FAM135A: variants seen among roughly 807,000 people sequenced by gnomAD.
FAM135A encodes family with sequence similarity 135 member A.
In FAM135A, 79 loss-of-function variants were observed where a neutral mutation model predicts 146.8. The ratio of observed to expected loss-of-function variants is 0.54; its 90% CI spans 0.45 to 0.65. The LOEUF is 0.65. Among genes scored for constraint, FAM135A ranks in the 30% least tolerant of loss-of-function variants. The pLI, the probability that FAM135A is intolerant of heterozygous loss-of-function variation, is 0.00. For missense variants in FAM135A, 1,623 were observed against 1,758.2 expected, an observed-to-expected ratio of 0.92 and a Z score of 1.38; for synonymous variants, 562 against 603.6, an observed-to-expected ratio of 0.93 and a Z score of 1.01.
chr6:70,456,102 G>A (rs1235140427), intron 5 of FAM135A, among the ~76,000 whole-genome samples: 5 of 152,158 alleles, frequency 3.3e-5, no homozygotes, highest in Admixed American at 1.3e-4. Flanking sequence ...CACCCGCCTC[G>A]GCTGCGCCCA....
At chr6:70,489,833 A>G (rs1582498984) in intron 10 of FAM135A, among the ~76,000 whole-genome samples, 1 of 152,112 alleles carries the variant, frequency 6.6e-6, no homozygotes, top group Non-Finnish European at 1.5e-5. Flanking sequence ...ATAATGAGCA[A>G]AAGACCACTC....
At chr6:70,540,720 A>G (rs1178710688) in intron 20 of FAM135A, among the ~76,000 whole-genome samples, 1 of 152,008 alleles carries the variant, frequency 6.6e-6, no homozygotes, top group Admixed American at 6.6e-5. Flanking sequence ...TTTGTCTTTC[A>G]TGTATTACTC....
intron 10 of FAM135A, among the ~76,000 whole-genome samples, chr6:70,485,222 A>G (rs986719623): frequency 2.0e-5 from 3 of 152,158 alleles, no homozygotes; most frequent in South Asian, 4.1e-4. Flanking sequence ...GAAAAAGTAT[A>G]GGCATCAACA....
At chr6:70,414,017 T>G in intron 1 of FAM135A, 1 of 985,756 alleles carries the variant, frequency 1.0e-6, no homozygotes, top group Middle Eastern at 5.2e-4. Context: ...CTAGCGTGTT[T>G]GCCCTTCACC....
chr6:70,481,055 T>C, intron 9 of FAM135A, 28 bp downstream of exon 9: 1 of 1,519,178 alleles, frequency 6.6e-7, no homozygotes, highest in Non-Finnish European at 8.8e-7. Flanking sequence ...TTATAAATCT[T>C]CTCCTTATTT....
intron 4 of FAM135A, among the ~76,000 whole-genome samples, chr6:70,433,946 T>G (rs1772362632): frequency 6.6e-6 from 1 of 152,202 alleles, no homozygotes; most frequent in Non-Finnish European, 1.5e-5. Context: ...AAACTAGTTT[T>G]ATTTTAATTT....
intron 1 of FAM135A, chr6:70,414,012 G>A: frequency 2.0e-6 from 2 of 985,690 alleles, no homozygotes; most frequent in Non-Finnish European, 2.4e-6. Context: ...CGCGCCTAGC[G>A]TGTTTGCCCT....
intron 2 of FAM135A, among the ~76,000 whole-genome samples, chr6:70,425,937 A>T (rs1409486945): frequency 6.6e-6 from 1 of 151,870 alleles, no homozygotes; most frequent in African/African-American, 2.4e-5. Context: ...CCCTGTTTCT[A>T]CTAAAAATAC....
chr6:70,413,925 C>T, intron 1 of FAM135A: 7 of 985,398 alleles, frequency 7.1e-6, no homozygotes, highest in Non-Finnish European at 8.4e-6. Flanking sequence ...GGCGAGGGGC[C>T]GCGGCGCGCT....
At chr6:70,430,644 T>C (rs895941045) in intron 4 of FAM135A, among the ~76,000 whole-genome samples, 1 of 152,224 alleles carries the variant, frequency 6.6e-6, no homozygotes, top group Non-Finnish European at 1.5e-5. Flanking sequence ...GCCCATCAAC[T>C]TTCTAAAAAT....
intron 10 of FAM135A, 78 bp downstream of exon 10, chr6:70,482,232 C>T (rs112465126): frequency 1.4e-6 from 2 of 1,441,352 alleles, no homozygotes; most frequent in South Asian, 1.4e-5. Context: ...ATCAGCTTTG[C>T]CATAGTTTTT....
At chr6:70,557,133 A>G in intron 21 of FAM135A, 1 of 532,052 alleles carries the variant, frequency 1.9e-6, no homozygotes, top group Non-Finnish European at 3.3e-6. Context: ...CTCTGAATTA[A>G]TGGGATTGAC....
At chr6:70,508,745 AC>A (rs1280249991) in intron 12 of FAM135A, among the ~76,000 whole-genome samples, 1 of 152,194 alleles carries the variant, frequency 6.6e-6, no homozygotes, top group African/African-American at 2.4e-5. Context: ...GAAGCCAAAT[AC>A]ATAGGGTTGC....
intron 4 of FAM135A, among the ~76,000 whole-genome samples, chr6:70,436,109 C>T (rs1773071685): frequency 6.6e-6 from 1 of 151,078 alleles, no homozygotes; most frequent in African/African-American, 2.4e-5. Context: ...ACTTGAACCC[C>T]AGAGGCGGAG....
intron 15 of FAM135A, 82 bp from the exon 16 acceptor site, chr6:70,528,210 T>A: frequency 2.2e-6 from 3 of 1,362,854 alleles, no homozygotes; most frequent in Non-Finnish European, 2.9e-6. Context: ...GGGTTTCCAC[T>A]TCTACAATTC....
chr6:70,520,418 A>G (rs1488863395), intron 12 of FAM135A, among the ~76,000 whole-genome samples: 1 of 152,194 alleles, frequency 6.6e-6, no homozygotes, highest in African/African-American at 2.4e-5. Flanking sequence ...TTAGAATCTA[A>G]TCTGAATGCA....
chr6:70,444,053 G>C (rs1330890148), intron 4 of FAM135A, among the ~76,000 whole-genome samples: 1 of 152,080 alleles, frequency 6.6e-6, no homozygotes. Context: ...TTTGATTTTT[G>C]AATTTTTTTA....
At chr6:70,455,165 C>A (rs1208480) in intron 5 of FAM135A, among the ~76,000 whole-genome samples, 55,022 of 151,718 alleles carry the variant, frequency 0.36, 16,031 homozygotes, top group African/African-American at 0.81. Context: ...AGTTGGATTC[C>A]TAGGTATTTT....
Position 70,528,160 on chromosome 6 carries a change from G to A in FAM135A, c.3615-132G>A, listed in dbSNP as rs552997691. On this transcript the variant is annotated intron_variant, in intron 15 of 21. Coordinates refer to ENST00000418814, the MANE Select transcript of FAM135A (RefSeq NM_001162529.3). Reference sequence around the variant, plus strand: ...TCTCTGATTTCTAAATCACTTAGGTGATGCCACATATTTTCATGGTTTTAA... The same window carrying A: ...TCTCTGATTTCTAAATCACTTAGGTAATGCCACATATTTTCATGGTTTTAA... 2.2e-4 allele frequency: 150 copies of A among 688,044 alleles called. 3 individuals carry two copies. The South Asian group carries it at 4.3e-3, about 20-fold the overall frequency. The allele number at this position is 688,044 out of a possible 1,614,324, so 42.6% of individuals were successfully genotyped here. A position where few individuals can be genotyped will look rare whatever the true frequency, so the allele number is the denominator to read the frequency against.
Sources: allele counts gnomAD v4.1 joint callset (sites outside exome capture counted in the v4.1 genomes callset), GRCh38; gene constraint gnomAD v4.1.1; transcripts MANE v1.5; gene names NCBI Gene and HGNC (gene_info 2026-07-23, HGNC 2026-07-21).